Variants in PCDH15 observed in about 807,000 individuals in gnomAD.
PCDH15 encodes protocadherin-15.
PCDH15 carries 129 observed loss-of-function variants against 178.5 expected under a neutral mutation model. That is an observed-to-expected ratio of 0.72 (90% CI 0.63 to 0.84). The LOEUF is 0.84. PCDH15 is among the 40% of genes least tolerant of loss of function. PCDH15 has a pLI of 0.00. For missense variants in PCDH15, 2,230 were observed against 2,099.9 expected, an observed-to-expected ratio of 1.06 and a Z score of -1.21; for synonymous variants, 800 against 732.0, an observed-to-expected ratio of 1.09 and a Z score of -1.50.
intron 3 of PCDH15, among the ~76,000 whole-genome samples, chr10:54,424,895 A>G (rs1287945152): frequency 6.7e-6 from 1 of 150,030 alleles, no homozygotes; most frequent in Non-Finnish European, 1.5e-5. Flanking sequence ...GCATTAGGAG[A>G]TATACCTAAT....
At chr10:54,388,807 G>T (rs894674883) in intron 3 of PCDH15, among the ~76,000 whole-genome samples, 31 of 152,088 alleles carry the variant, frequency 2.0e-4, no homozygotes, top group Non-Finnish European at 3.4e-4. Context: ...CAGGTAGAAG[G>T]TCTACAGACA....
rs142687906 is a variant in PCDH15 at position 55,062,749 on chromosome 10, G to A, written c.-80+103827C>T. 9.9e-5 allele frequency among the ~76,000 whole-genome samples: 15 copies of A among 152,226 alleles called. No homozygotes were observed. In the East Asian group the frequency reaches 1.4e-3, roughly 14 times the overall value. Reference sequence around the variant, plus strand: ...TAAACTGTGGACTTTGGGTGATAACGAAGTATTACTATAGACTCATCAATT... The same window carrying A: ...TAAACTGTGGACTTTGGGTGATAACAAAGTATTACTATAGACTCATCAATT... On this transcript the variant is annotated intron_variant, in intron 2 of 5. Coordinates refer to the PCDH15 transcript ENST00000458638.
intron 15 of PCDH15, among the ~76,000 whole-genome samples, chr10:54,122,451 G>A (rs1021996155): frequency 6.6e-5 from 10 of 152,024 alleles, no homozygotes; most frequent in African/African-American, 2.4e-4. Context: ...TCTTGGAAGT[G>A]GATCAAGACA....
chr10:55,039,590 A>G (rs998673467), intron 2 of PCDH15, among the ~76,000 whole-genome samples: 2 of 152,106 alleles, frequency 1.3e-5, no homozygotes, highest in African/African-American at 4.8e-5. Context: ...ATTAAGACAA[A>G]TTCTGAGAAA....
chr10:54,459,374 T>C (rs982155267), intron 3 of PCDH15, among the ~76,000 whole-genome samples: 1 of 152,072 alleles, frequency 6.6e-6, no homozygotes, highest in Non-Finnish European at 1.5e-5. Flanking sequence ...GATGTTTTCA[T>C]GAAAAGAATT....
chr10:55,344,790 T>C (rs1203064602), intron 2 of PCDH15, among the ~76,000 whole-genome samples: 2 of 151,988 alleles, frequency 1.3e-5, no homozygotes, highest in Non-Finnish European at 2.9e-5. Flanking sequence ...ATGGATTGGA[T>C]TTACGGTTCT....
At chr10:54,384,729 T>C (rs927953020) in intron 3 of PCDH15, among the ~76,000 whole-genome samples, 2 of 152,142 alleles carry the variant, frequency 1.3e-5, no homozygotes, top group Non-Finnish European at 2.9e-5. Context: ...TAAAGTTTTT[T>C]CCCTTAGTTT....
In PCDH15 at chr10:55,327,272, T is replaced by C. The variant is rs765562860; in HGVS notation, c.-155-160621A>G. 4.6e-5 allele frequency among the ~76,000 whole-genome samples: 7 copies of C among 152,246 alleles called. No homozygotes were observed. The East Asian group carries it at 1.4e-3, about 29-fold the overall frequency. ...GACACCAATTCTGCTGGTGCCTTGA[T>C]GATGAACTTCCGAGTCTTCAAAATT... On this transcript the variant is annotated intron_variant, in intron 2 of 5. Transcript: ENST00000613346.
chr10:55,472,876 C>A (rs1448489709), intron 2 of PCDH15, among the ~76,000 whole-genome samples: 1 of 152,156 alleles, frequency 6.6e-6, no homozygotes, highest in African/African-American at 2.4e-5. Flanking sequence ...CCTTGAAAAT[C>A]ACCAAGTTTT....
chr10:54,520,732 A>G (rs2082763066), intron 3 of PCDH15, among the ~76,000 whole-genome samples: 1 of 151,404 alleles, frequency 6.6e-6, no homozygotes, highest in Non-Finnish European at 1.5e-5. Context: ...CCAAAGGACT[A>G]TAAATCATGC....
chr10:55,270,224 T>C (rs1312172392), intron 1 of PCDH15, among the ~76,000 whole-genome samples: 2 of 152,116 alleles, frequency 1.3e-5, no homozygotes, highest in Non-Finnish European at 2.9e-5. Context: ...ACATTGGCTT[T>C]GGCAAAGAGT....
intron 25 of PCDH15, among the ~76,000 whole-genome samples, chr10:53,922,151 C>T (rs2084051341): frequency 6.6e-6 from 1 of 152,094 alleles, no homozygotes; most frequent in Non-Finnish European, 1.5e-5. Flanking sequence ...GCTTTTCTAA[C>T]ATGTCACAAC....
intron 37 of PCDH15, among the ~76,000 whole-genome samples, chr10:53,810,051 G>A (rs574164389): frequency 5.9e-5 from 9 of 152,208 alleles, no homozygotes; most frequent in Admixed American, 3.9e-4. Context: ...AATTTGCCAA[G>A]TAAATAGTGA....
At position 54,437,585 on chromosome 10, in the gene PCDH15, G is replaced by A. The variant is rs190239296; in HGVS notation, c.158-58643C>T. ...AATCAGTTTTTACATTGGTTTTGAT[G>A]GTTCACACTGTCTCAACTCATGGTA... On this transcript the variant is annotated intron_variant, in intron 3 of 37. Transcript: ENST00000644397. Among the ~76,000 whole-genome samples, 11 of 152,140 alleles carry A rather than the reference G, an allele frequency of 7.2e-5. No individual in the cohort carries two copies. The East Asian group carries it at 2.1e-3, about 29-fold the overall frequency.
At chr10:54,371,864 T>G (rs1035418718) in intron 4 of PCDH15, among the ~76,000 whole-genome samples, 1 of 151,802 alleles carries the variant, frequency 6.6e-6, no homozygotes, top group Non-Finnish European at 1.5e-5. Context: ...TGTCTTTGTA[T>G]AAAATAAAGA....
At chr10:55,460,588 T>C (rs1359176769) in intron 2 of PCDH15, among the ~76,000 whole-genome samples, 1 of 152,138 alleles carries the variant, frequency 6.6e-6, no homozygotes, top group East Asian at 1.9e-4. Context: ...ACATATTTTG[T>C]GCCTCTGCTT....
intron 28 of PCDH15, among the ~76,000 whole-genome samples, chr10:53,846,517 G>T (rs1451844860): frequency 6.8e-6 from 1 of 147,434 alleles, no homozygotes; most frequent in Non-Finnish European, 1.5e-5. Context: ...AATGCTGAAA[G>T]GTTTATTTAA....
chr10:54,816,453 C>G (rs1168121721), intron 3 of PCDH15, among the ~76,000 whole-genome samples: 1 of 152,000 alleles, frequency 6.6e-6, no homozygotes, highest in Non-Finnish European at 1.5e-5. Flanking sequence ...TATTTCATAG[C>G]ACAAGAAAGC....
chr10:54,961,779 A>G (rs982584665), intron 2 of PCDH15, among the ~76,000 whole-genome samples: 1 of 151,360 alleles, frequency 6.6e-6, no homozygotes, highest in African/African-American at 2.4e-5. Flanking sequence ...GGTCTCCTCT[A>G]CTCTCACTGG....
Sources: allele counts gnomAD v4.1 joint callset (sites outside exome capture counted in the v4.1 genomes callset), GRCh38; gene constraint gnomAD v4.1.1; transcripts MANE v1.5; gene names NCBI Gene and HGNC (gene_info 2026-07-23, HGNC 2026-07-21).